Variants in MUSK observed in about 807,000 individuals in gnomAD.
The protein encoded by MUSK is muscle associated receptor tyrosine kinase, also known as muscle, skeletal receptor tyrosine-protein kinase.
MUSK carries 55 observed loss-of-function variants against 88.7 expected under a neutral mutation model. The ratio of observed to expected loss-of-function variants is 0.62; its 90% confidence interval spans 0.50 to 0.78. The LOEUF (loss-of-function observed/expected upper bound fraction) is 0.78. MUSK is among the 30% of genes least tolerant of loss of function. The pLI, the probability that MUSK is intolerant of heterozygous loss-of-function variation, is 0.00. For missense variants in MUSK, 1,015 were observed against 1,074.3 expected, an observed-to-expected ratio of 0.94 and a Z score of 0.77; for synonymous variants, 387 against 391.9, an observed-to-expected ratio of 0.99 and a Z score of 0.15.
chr9:110,771,029 A>G (rs2077565088), intron 9 of MUSK, among the ~76,000 whole-genome samples: 1 of 152,044 alleles, frequency 6.6e-6, no homozygotes, highest in African/African-American at 2.4e-5. Context: ...TATAATTTAT[A>G]TACAAGAAAC....
At chr9:110,774,955 T>C (rs1053249310) in intron 9 of MUSK, among the ~76,000 whole-genome samples, 8 of 152,192 alleles carry the variant, frequency 5.3e-5, no homozygotes, top group African/African-American at 1.9e-4. Context: ...GCTATTATTA[T>C]GTTTAATTTA....
rs897073251 is a variant in MUSK at position 110,805,296 on chromosome 9, C to A, written c.*4308C>A. ...TCCTGAATTATTTTATTAACATGTACCTCTCCTAGTCAGATAAGACAGCCC... is the reference window on the plus strand; with the variant it reads ...TCCTGAATTATTTTATTAACATGTAACTCTCCTAGTCAGATAAGACAGCCC... On this transcript the variant is annotated 3_prime_UTR_variant, in exon 15 of 15. Transcript: ENST00000374448. Among the ~76,000 whole-genome samples, 9 of 151,714 alleles carry A rather than the reference C, an allele frequency of 5.9e-5. No individual in the cohort carries two copies. The highest frequency in any genetic ancestry group is 1.9e-4 in the African/African-American group (8 of 41,380).
At chr9:110,750,216 T>A (rs781641334) in intron 7 of MUSK, among the ~76,000 whole-genome samples, 23 of 152,144 alleles carry the variant, frequency 1.5e-4, no homozygotes, top group Non-Finnish European at 1.3e-4. Flanking sequence ...GAGTCTCATT[T>A]CAGGTCATTA....
intron 1 of MUSK, among the ~76,000 whole-genome samples, chr9:110,674,803 G>C (rs1157671879): frequency 6.6e-6 from 1 of 151,858 alleles, no homozygotes; most frequent in South Asian, 2.1e-4. Context: ...GTAGAGATGT[G>C]GTTTCTCTGT....
intron 8 of MUSK, among the ~76,000 whole-genome samples, chr9:110,763,615 A>G (rs2077432866): frequency 6.6e-6 from 1 of 152,226 alleles, no homozygotes; most frequent in South Asian, 2.1e-4. Context: ...TTTGTTGGGA[A>G]TGTTCAAGGA....
At chr9:110,671,832 T>C (rs2075960752) in intron 1 of MUSK, among the ~76,000 whole-genome samples, 1 of 152,124 alleles carries the variant, frequency 6.6e-6, no homozygotes, top group South Asian at 2.1e-4. Context: ...AGCATAAGAG[T>C]TCATGTAAGC....
At chr9:110,676,954 A>G (rs2076039003) in intron 1 of MUSK, among the ~76,000 whole-genome samples, 1 of 152,166 alleles carries the variant, frequency 6.6e-6, no homozygotes, top group South Asian at 2.1e-4. Context: ...GCTGCCTACC[A>G]GCAAAGGGGA....
In MUSK at chr9:110,708,048, T is replaced by C. The variant is rs556252786; in HGVS notation, c.628+10582T>C. On this transcript the variant is annotated intron_variant, in intron 5 of 14. Transcript: ENST00000374448. The stretch of plus-strand genomic sequence containing the variant: ...AAGATATTTTTGCAGACATATGAAA[T>C]AGGTAAGACAAGTAGAATTCCAAAA... Among the ~76,000 whole-genome samples, 8 of 152,266 alleles carry C rather than the reference T, an allele frequency of 5.3e-5. No individual in the cohort carries two copies. The East Asian group carries it at 5.8e-4, about 11-fold the overall frequency.
chr9:110,711,314 C>T (rs72754598), intron 5 of MUSK, among the ~76,000 whole-genome samples: 1,686 of 152,284 alleles, frequency 0.011, 18 homozygotes, highest in South Asian at 0.027. Context: ...AGAGGAGCTT[C>T]CTGCCAGCCT....
At chr9:110,680,875 A>G (rs1201815189) in intron 1 of MUSK, among the ~76,000 whole-genome samples, 1 of 139,998 alleles carries the variant, frequency 7.1e-6, no homozygotes, top group Admixed American at 7.9e-5. Flanking sequence ...TGTATACTTT[A>G]TATCTCCTAA....
intron 2 of MUSK, 112 bp downstream of exon 2, chr9:110,682,912 A>T: frequency 1.4e-6 from 1 of 691,970 alleles, no homozygotes; most frequent in Non-Finnish European, 2.2e-6. Context: ...CATGCAATGT[A>T]AAATAAGTAC....
chr9:110,747,490 C>T (rs749167031), intron 6 of MUSK, 151 bp from the exon 7 acceptor site: 2 of 696,586 alleles, frequency 2.9e-6, no homozygotes, highest in Non-Finnish European at 4.7e-6. Context: ...ATTGCAAGGG[C>T]ATGGACACAG....
chr9:110,694,410 A>AAAAAAAAAAAC (rs2076404369), intron 3 of MUSK, among the ~76,000 whole-genome samples: 1 of 143,432 alleles, frequency 7.0e-6, no homozygotes, highest in Non-Finnish European at 1.5e-5. Context: ...AAAAAAACAA[A>AAAAAAAAAAAC]AAAACAAAAC....
chr9:110,710,008 A>T lies in MUSK; in HGVS notation c.628+12542A>T, dbSNP rs185819148. ...AAAAAGTATTTATTTAAAAATATTT[A>T]AAAAAAATAAATTTGAGACCGGAAA... On this transcript the variant is annotated intron_variant, in intron 5 of 14. Transcript: ENST00000374448. Among the ~76,000 whole-genome samples the T allele has an allele frequency of 6.9e-4, 99 of 143,104 alleles. No individual in the cohort carries two copies. In the East Asian group the frequency reaches 0.011, roughly 16 times the overall value. 93.9% of individuals were successfully genotyped at this position (143,104 alleles called of 152,430 possible).
chr9:110,780,349 C>T (rs2077731313), intron 11 of MUSK, among the ~76,000 whole-genome samples: 1 of 152,192 alleles, frequency 6.6e-6, no homozygotes, highest in Non-Finnish European at 1.5e-5. Flanking sequence ...CCTCAGACTG[C>T]TTGGATCTTC....
intron 5 of MUSK, among the ~76,000 whole-genome samples, chr9:110,714,118 GA>G (rs2076713783): frequency 1.3e-5 from 2 of 152,050 alleles, no homozygotes; most frequent in South Asian, 4.1e-4. Context: ...TCTTTAAGAA[GA>G]AAAAAGTGAA....
intron 3 of MUSK, among the ~76,000 whole-genome samples, chr9:110,688,486 G>C (rs188835646): frequency 6.6e-6 from 1 of 152,108 alleles, no homozygotes; most frequent in African/African-American, 2.4e-5. Flanking sequence ...GAGTTCAGGG[G>C]TACATCTGCA....
intron 9 of MUSK, among the ~76,000 whole-genome samples, chr9:110,774,621 G>C (rs148851824): frequency 7.0e-4 from 107 of 152,204 alleles, no homozygotes; most frequent in African/African-American, 2.4e-3. Context: ...ACCAAGCTAA[G>C]CAACTCTCCT....
chr9:110,690,036 T>C (rs368054901), intron 3 of MUSK, among the ~76,000 whole-genome samples: 22,473 of 93,262 alleles, frequency 0.24, 3,518 homozygotes, highest in African/African-American at 0.45. Flanking sequence ...TATATATTAA[T>C]ATAAGTATAA....
Sources: allele counts gnomAD v4.1 joint callset (sites outside exome capture counted in the v4.1 genomes callset), GRCh38; gene constraint gnomAD v4.1.1; transcripts MANE v1.5; gene names NCBI Gene and HGNC (gene_info 2026-07-23, HGNC 2026-07-21).